Variants in SV2A observed in about 807,000 individuals in gnomAD.
SV2A encodes solute carrier family 22 member B1.
A neutral mutation model predicts 78.0 loss-of-function variants in SV2A; 25 were observed. The ratio of observed to expected loss-of-function variants is 0.32; its 90% CI spans 0.23 to 0.45. The LOEUF is 0.45. SV2A is among the 20% of genes least tolerant of loss of function. SV2A has a pLI of 1.00. For missense variants in SV2A, 752 were observed against 971.5 expected, an observed-to-expected ratio of 0.77 and a Z score of 3.00; for synonymous variants, 355 against 384.7, an observed-to-expected ratio of 0.92 and a Z score of 0.90.
chr1:149,912,041 G>A lies in SV2A; in HGVS notation c.623-61C>T, dbSNP rs587670946. On this transcript the variant is annotated intron_variant, in intron 2 of 12. Coordinates refer to ENST00000369146, the MANE Select transcript of SV2A (RefSeq NM_014849.5). ...AGCAGACACACCTTAATTCTCCCAG[G>A]AGATGAGCACTGAGGGAGCTGAAGG... The A allele has an allele frequency of 1.6e-5, 25 of 1,535,304 alleles. No individual in the cohort carries two copies. In the East Asian group the frequency reaches 4.5e-4, roughly 27 times the overall value.
In SV2A at chr1:149,906,670, A is replaced by G; in HGVS notation, c.1865T>C (p.Ile622Thr). 6.2e-7 allele frequency: 1 copy of G among 1,614,092 alleles called. No individual in the cohort carries two copies. The highest frequency in any genetic ancestry group is 8.5e-7 in the Non-Finnish European group (1 of 1,180,024). The change falls in exon 11 of 13, where the codon ATC (isoleucine) becomes ACC (threonine). Residue 622 changes from isoleucine (I) to threonine (T), a missense_variant. Around this residue, in one of 7 missense-constraint regions of SV2A, gnomAD observed 186 missense variants for 274.6 expected, o/e 0.68. Coordinates refer to ENST00000369146, the MANE Select transcript of SV2A (RefSeq NM_014849.5). ...NIVSALLMDK[I>T]GRLRMLAGSS... Reference sequence around the variant, plus strand: ...CTTACCAAGCATTCTGAGCCTGCCGATCTTGTCCATGAGCAGGGCAGACAC... The same window carrying G: ...CTTACCAAGCATTCTGAGCCTGCCGGTCTTGTCCATGAGCAGGGCAGACAC...
chr1:149,909,041 C>T (rs587667656), intron 8 of SV2A, 151 bp downstream of exon 8: 84 of 699,382 alleles, frequency 1.2e-4, no homozygotes, highest in African/African-American at 7.1e-4. Context: ...AGTGAACTAG[C>T]GAAGTAGAGG....
rs1057074331 is a variant in SV2A, at chr1:149,903,844, G to A, written c.*1170C>T. 2.6e-5 allele frequency: 4 copies of A among 152,610 alleles called. No individual in the cohort carries two copies. Among genetic ancestry groups the A allele is most frequent in the Non-Finnish European group, 5.9e-5 (4 of 68,090 alleles). The allele number at this position is 152,610 out of a possible 1,614,324, so 9.5% of individuals were successfully genotyped here. A position where few individuals can be genotyped will look rare whatever the true frequency, so the allele number is the denominator to read the frequency against. On this transcript the variant is annotated 3_prime_UTR_variant, in exon 13 of 13. Coordinates refer to ENST00000369146, the MANE Select transcript of SV2A (RefSeq NM_014849.5). Reference sequence around the variant, plus strand: ...CTATTGTGTGGAAGGGTAAAATGGGGAAACTGAGGCTTCTAGTCCCTGCAT... The same window carrying A: ...CTATTGTGTGGAAGGGTAAAATGGGAAAACTGAGGCTTCTAGTCCCTGCAT...
chr1:149,910,674 G>C lies in SV2A; in HGVS notation c.985C>G (p.Gln329Glu), dbSNP rs782328645. Reference protein sequence around the residue: ...GWSFQMGSAYQFHSWRVFVLV... With the variant: ...GWSFQMGSAYEFHSWRVFVLV... The stretch of plus-strand genomic sequence containing the variant: ...ACGAAGACCCTCCAGCTGTGGAACT[G>C]GTAGGCAGAACCCATCTGAAAACTC... The change falls in exon 5 of 13, where the codon CAG becomes GAG. Residue 329 changes from glutamine (Q) to glutamate (E), a missense_variant. By Grantham distance (29) the Gln-to-Glu change is conservative. Transcript: ENST00000369146. This position sits in a 1 kb window ranked among gnomAD's most constrained non-coding sequence, Gnocchi z 4.2. 6.2e-7 allele frequency: 1 copy of C among 1,614,052 alleles called. No homozygotes were observed. The highest frequency in any genetic ancestry group is 8.5e-7 in the Non-Finnish European group (1 of 1,179,956).
rs782380837 is a variant in SV2A, at chr1:149,911,912, G to A, written c.691C>T (p.Arg231Trp). The A allele has an allele frequency of 1.2e-6, 2 of 1,614,072 alleles. No homozygotes were observed. The highest frequency in any genetic ancestry group is 1.1e-5 in the South Asian group (1 of 91,088). The change falls in exon 3 of 13, where the codon CGG (arginine) becomes TGG (tryptophan). Residue 231 changes from arginine (R) to tryptophan (W), a missense_variant. This residue lies in a region of SV2A where 291 missense variants were observed against 359.5 expected (regional missense o/e 0.81). Transcript: ENST00000369146. Reference protein sequence around the residue: ...LWGGLADRLGRRQCLLISLSV... With the variant: ...LWGGLADRLGWRQCLLISLSV... ...AGCGAGATGAGCAGACACTGCCTCC[G>A]ACCCAGCCGGTCAGCCAGACCTCCC...
intron 6 of SV2A, 102 bp downstream of exon 6, chr1:149,909,699 T>C: frequency 6.8e-7 from 1 of 1,462,562 alleles, no homozygotes; most frequent in Non-Finnish European, 9.6e-7. Flanking sequence ...AAAATCTCCT[T>C]ACGGTAGAGT....
chr1:149,914,101 G>A lies in SV2A; in HGVS notation c.-261C>T. On this transcript the variant is annotated 5_prime_UTR_variant, in exon 2 of 13. Transcript: ENST00000369146. ...AAGGGACAGGGGGAGCAGGGGAATGGGAAGGGGAAGGGGAGCCAGATTGGG... is the reference window on the plus strand; with the variant it reads ...AAGGGACAGGGGGAGCAGGGGAATGAGAAGGGGAAGGGGAGCCAGATTGGG... 2.5e-6 allele frequency: 1 copy of A among 401,724 alleles called. No individual in the cohort carries two copies. The highest frequency in any genetic ancestry group is 4.0e-5 in the Admixed American group (1 of 24,810). The allele number at this position is 401,724 out of a possible 1,614,324, so 24.9% of individuals were successfully genotyped here.
chr1:149,905,795 A>G (rs1443542314), intron 12 of SV2A, 85 bp downstream of exon 12: 2 of 1,547,802 alleles, frequency 1.3e-6, no homozygotes, highest in African/African-American at 1.4e-5. Flanking sequence ...TCTCACCCCT[A>G]AGGATGCTCT....
At chr1:149,907,339 T>C (rs2092444959) in intron 10 of SV2A, among the ~76,000 whole-genome samples, 1 of 152,108 alleles carries the variant, frequency 6.6e-6, no homozygotes, top group South Asian at 2.1e-4. Flanking sequence ...AAGGAGTGGA[T>C]TCATGCAATG....
rs2092417922 is a variant in SV2A at position 149,904,255 on chromosome 1, G to C, written c.*759C>G. 1 of 152,730 alleles carries C rather than the reference G, an allele frequency of 6.5e-6. No homozygotes were observed. Among genetic ancestry groups the C allele is most frequent in the Non-Finnish European group, 1.5e-5 (1 of 68,106 alleles). The allele number at this position is 152,730 out of a possible 1,614,324, so 9.5% of individuals were successfully genotyped here. The stretch of plus-strand genomic sequence containing the variant: ...CCAGATTAGGGGAGGAACTGTGGGA[G>C]GCAGGGTTGTGTGTGCATCCGCTGA... On this transcript the variant is annotated 3_prime_UTR_variant, in exon 13 of 13. Transcript: ENST00000369146.
At chr1:149,916,487 T>A (rs1553764558) in intron 1 of SV2A, among the ~76,000 whole-genome samples, 1 of 152,086 alleles carries the variant, frequency 6.6e-6, no homozygotes, top group African/African-American at 2.4e-5. Flanking sequence ...GGTTACAAGG[T>A]CCTAGGCTGG....
chr1:149,909,626 C>T, intron 6 of SV2A, 55 bp from the exon 7 acceptor site: 1 of 1,548,398 alleles, frequency 6.5e-7, no homozygotes, highest in Non-Finnish European at 8.9e-7. Flanking sequence ...CCAACATCGG[C>T]CAGGCGCCTC....
At chr1:149,915,743 C>T (rs1260456973) in intron 1 of SV2A, among the ~76,000 whole-genome samples, 1 of 152,082 alleles carries the variant, frequency 6.6e-6, no homozygotes, top group Non-Finnish European at 1.5e-5. Context: ...TGGGTGTCCC[C>T]CCAAAAAAGA....
chr1:149,909,931 T>C, intron 5 of SV2A, 41 bp from the exon 6 acceptor site: 1 of 1,596,098 alleles, frequency 6.3e-7, no homozygotes, highest in East Asian at 2.2e-5. Flanking sequence ...AGTCAGCCCC[T>C]ACCTGACCCA....
intron 2 of SV2A, 25 bp from the exon 3 acceptor site, chr1:149,912,005 G>T: frequency 6.2e-7 from 1 of 1,605,588 alleles, no homozygotes; most frequent in African/African-American, 1.3e-5. Flanking sequence ...AAAACAGGCA[G>T]AGGGGGTGTG....
intron 5 of SV2A, 77 bp from the exon 6 acceptor site, chr1:149,909,967 C>G: frequency 1.2e-5 from 17 of 1,403,822 alleles, no homozygotes; most frequent in Non-Finnish European, 1.7e-5. Flanking sequence ...TCCCTCCCAC[C>G]TGGCTTCTGT....
At chr1:149,917,265 A>C (rs1424962159) in intron 1 of SV2A, among the ~76,000 whole-genome samples, 2 of 146,388 alleles carry the variant, frequency 1.4e-5, no homozygotes, top group African/African-American at 5.1e-5. Flanking sequence ...TCCATCCTTC[A>C]CCTGCCCTTC....
chr1:149,906,447 C>G (rs1459557802), intron 11 of SV2A, among the ~76,000 whole-genome samples: 1 of 152,156 alleles, frequency 6.6e-6, no homozygotes, highest in Non-Finnish European at 1.5e-5. Context: ...GCCCTAACCA[C>G]TTGCAATTCT....
intron 2 of SV2A, 72 bp downstream of exon 2, chr1:149,913,147 C>A: frequency 6.4e-7 from 1 of 1,558,680 alleles, no homozygotes; most frequent in Non-Finnish European, 8.6e-7. Context: ...GTGGTAAGGA[C>A]AAGAGCAATT....
Sources: gnomAD v4.1 joint callset for allele counts (sites outside exome capture counted in the v4.1 genomes callset) on GRCh38, gnomAD v4.1.1 for gene constraint, gnomAD v4.1.1 regional missense constraint, Gnocchi (gnomAD v3.1) non-coding constraint, MANE v1.5 for transcripts, NCBI Gene and HGNC (gene_info 2026-07-23, HGNC 2026-07-21) for gene names.